Variants in HMGCLL1 observed in about 807,000 individuals in gnomAD.
HMGCLL1 encodes the protein 3-hydroxymethyl-3-methylglutaryl-CoA lyase, cytoplasmic.
HMGCLL1 carries 36 observed loss-of-function variants against 39.1 expected under a neutral mutation model. That is an observed-to-expected ratio of 0.92 (90% CI 0.71 to 1.22). The LOEUF (loss-of-function observed/expected upper bound fraction) is 1.22, where lower values mean the gene tolerates loss of function less well. HMGCLL1 is among the 50% of genes most tolerant of loss of function. HMGCLL1 has a pLI of 0.00. For missense variants in HMGCLL1, 451 were observed against 416.5 expected, an observed-to-expected ratio of 1.08 and a Z score of -0.72; for synonymous variants, 149 against 144.0, an observed-to-expected ratio of 1.03 and a Z score of -0.25.
intron 1 of HMGCLL1, among the ~76,000 whole-genome samples, chr6:55,565,195 C>T (rs1229887129): frequency 6.6e-6 from 1 of 151,994 alleles, no homozygotes. Context: ...AGTTAAAGTC[C>T]AGTACCTCTA....
chr6:55,667,220 T>C, the HMGCLL1 span, among the ~76,000 whole-genome samples: 2 of 151,754 alleles, frequency 1.3e-5, no homozygotes, highest in African/African-American at 2.4e-5. Flanking sequence ...AAAATATTCA[T>C]TGGTTGTAAC....
the HMGCLL1 span, among the ~76,000 whole-genome samples, chr6:55,593,605 A>T: frequency 6.6e-6 from 1 of 152,152 alleles, no homozygotes; most frequent in Non-Finnish European, 1.5e-5. Context: ...CGTTGTTTTA[A>T]TTTTTAAAGG....
At chr6:55,467,477 G>C (rs1337339087) in intron 7 of HMGCLL1, among the ~76,000 whole-genome samples, 1 of 151,978 alleles carries the variant, frequency 6.6e-6, no homozygotes, top group South Asian at 2.1e-4. Flanking sequence ...ATACAGATAA[G>C]AGCAAGAGCT....
chr6:55,488,474 A>C (rs967033182), intron 7 of HMGCLL1, among the ~76,000 whole-genome samples: 2 of 152,112 alleles, frequency 1.3e-5, no homozygotes, highest in African/African-American at 4.8e-5. Flanking sequence ...CAGTTTGCCT[A>C]ACAGCAGAGA....
chr6:55,566,474 T>C (rs1249259827), intron 1 of HMGCLL1: 1 of 278,498 alleles, frequency 3.6e-6, no homozygotes, highest in Admixed American at 4.0e-5. Context: ...TGGAAAGTTA[T>C]AAGTGTAAGG....
chr6:55,674,626 A>C, the HMGCLL1 span, among the ~76,000 whole-genome samples: 1 of 152,052 alleles, frequency 6.6e-6, no homozygotes, highest in East Asian at 1.9e-4. Flanking sequence ...TTCTGTCTTT[A>C]TGAGTCTACG....
In HMGCLL1 at chr6:55,495,506, C is replaced by T. The variant is rs779089380; in HGVS notation, c.708G>A (p.Val236=). 10 of 1,613,970 alleles carry T rather than the reference C, an allele frequency of 6.2e-6. No homozygotes were observed. In the Admixed American group the frequency reaches 1.2e-4, roughly 19 times the overall value. The change falls in exon 7 of 9, where the codon GTG becomes GTA. Residue 236 remains valine (V), a synonymous_variant. Transcript: ENST00000274901. The part of the protein sequence containing the change: ...PGSMKRMLES[V]MKEIPPGALA... ...GAGCACCTGGTGGGATTTCTTTCAT[C>T]ACACTTTCCAACATTCTTTTCATAC...
the HMGCLL1 span, among the ~76,000 whole-genome samples, chr6:55,665,850 C>T: frequency 1.5e-4 from 22 of 151,690 alleles, no homozygotes; most frequent in East Asian, 1.7e-3. Flanking sequence ...TTCATTGAAA[C>T]GTTTATTTTT....
Position 55,541,789 on chromosome 6 carries a change from G to C in HMGCLL1, c.237C>G (p.Ser79=). The part of the protein sequence containing the change: ...DIKIEFINRL[S]QTGLSVIEVT... Reference sequence around the variant, plus strand: ...CTTCTATTACAGACAAGCCAGTTTGGGAAAGTCGATTGATAAATTCAATTT... The same window carrying C: ...CTTCTATTACAGACAAGCCAGTTTGCGAAAGTCGATTGATAAATTCAATTT... The change falls in exon 3 of 9, where the codon TCC becomes TCG. Residue 79 remains serine (S), a synonymous_variant. Transcript: ENST00000274901. 6.2e-7 allele frequency: 1 copy of C among 1,609,802 alleles called. No individual in the cohort carries two copies. Among genetic ancestry groups the C allele is most frequent in the South Asian group, 1.1e-5 (1 of 90,430 alleles).
At chr6:55,559,307 C>T (rs889364238) in intron 1 of HMGCLL1, among the ~76,000 whole-genome samples, 1 of 152,070 alleles carries the variant, frequency 6.6e-6, no homozygotes, top group Admixed American at 6.6e-5. Context: ...TTAACATTTC[C>T]TTATAATCAA....
Position 55,574,975 on chromosome 6 carries a change from A to G in HMGCLL1, c.108+3973T>C, listed in dbSNP as rs1029090120. On this transcript the variant is annotated intron_variant, in intron 1 of 8. Coordinates refer to ENST00000274901, the MANE Select transcript of HMGCLL1 (RefSeq NM_001042406.2). Reference sequence around the variant, plus strand: ...ATAATAGGTTTGAAACATTATTTATATTAGAATTTAGGTCTTTGGAAATTT... The same window carrying G: ...ATAATAGGTTTGAAACATTATTTATGTTAGAATTTAGGTCTTTGGAAATTT... 1.8e-4 allele frequency among the ~76,000 whole-genome samples: 28 copies of G among 152,170 alleles called. 1 individual carries two copies. In the East Asian group the frequency reaches 5.2e-3, roughly 28 times the overall value.
chr6:55,574,511 G>A (rs1771669361), intron 1 of HMGCLL1, among the ~76,000 whole-genome samples: 1 of 124,118 alleles, frequency 8.1e-6, no homozygotes, highest in South Asian at 3.0e-4. Context: ...AGCAATTAAG[G>A]GTATAGTAAA....
intron 1 of HMGCLL1, among the ~76,000 whole-genome samples, chr6:55,557,334 T>C (rs1770726833): frequency 6.6e-6 from 1 of 152,124 alleles, no homozygotes; most frequent in African/African-American, 2.4e-5. Flanking sequence ...AACATCAGGC[T>C]GGTGCGCCAA....
chr6:55,604,029 G>GA, the HMGCLL1 span, among the ~76,000 whole-genome samples: 1 of 152,126 alleles, frequency 6.6e-6, no homozygotes, highest in African/African-American at 2.4e-5. Flanking sequence ...TGGGTGTCTG[G>GA]AGAGTCTGGT....
At chr6:55,561,751 AT>A (rs1283829505) in intron 1 of HMGCLL1, among the ~76,000 whole-genome samples, 3 of 152,178 alleles carry the variant, frequency 2.0e-5, no homozygotes, top group African/African-American at 7.2e-5. Context: ...CAATTTTTAT[AT>A]TACTATCCAT....
chr6:55,512,686 C>A (rs1244305648), intron 5 of HMGCLL1: 1 of 151,990 alleles, frequency 6.6e-6, no homozygotes, highest in Non-Finnish European at 1.5e-5. Context: ...GATTGAAATT[C>A]CAATCATTTC....
chr6:55,494,801 A>C (rs1259917904), intron 7 of HMGCLL1, among the ~76,000 whole-genome samples: 2 of 152,184 alleles, frequency 1.3e-5, no homozygotes, highest in Non-Finnish European at 2.9e-5. Context: ...AATGCTACTT[A>C]CAGCTATTCT....
intron 1 of HMGCLL1, chr6:55,566,486 G>A (rs1771218002): frequency 2.8e-6 from 1 of 358,178 alleles, no homozygotes; most frequent in Admixed American, 3.1e-5. Context: ...AGTGTAAGGT[G>A]ACATTTGAGG....
At chr6:55,469,453 A>AG (rs1764947173) in intron 7 of HMGCLL1, among the ~76,000 whole-genome samples, 4 of 137,302 alleles carry the variant, frequency 2.9e-5, no homozygotes, top group African/African-American at 1.2e-4. Flanking sequence ...ATATATATGT[A>AG]TATATGTGTA....
Sources: gnomAD v4.1 joint callset for allele counts (sites outside exome capture counted in the v4.1 genomes callset) on GRCh38, gnomAD v4.1.1 for gene constraint, MANE v1.5 for transcripts, NCBI Gene and HGNC (gene_info 2026-07-23, HGNC 2026-07-21) for gene names.